Variants in ARHGEF10 observed in about 807,000 individuals in gnomAD.
ARHGEF10 encodes Rho guanine nucleotide exchange factor (GEF) 10.
Under a neutral mutation model 147.4 loss-of-function variants are expected in ARHGEF10, and 140 were observed. That is an observed-to-expected ratio of 0.95 (90% CI 0.83 to 1.09). ARHGEF10 has a LOEUF of 1.09. ARHGEF10 is among the 50% of genes least tolerant of loss of function. The pLI is 0.00. For missense variants in ARHGEF10, 2,222 were observed against 1,752.7 expected (o/e 1.27, Z -4.78); for synonymous variants, 902 against 695.8 (o/e 1.30, Z -4.67).
intron 3 of ARHGEF10, among the ~76,000 whole-genome samples, chr8:1,859,420 T>C (rs1462308075): frequency 6.7e-6 from 1 of 148,214 alleles, no homozygotes; most frequent in Non-Finnish European, 1.5e-5. Flanking sequence ...GGTGTTTCTT[T>C]GTGCGCAGCA....
intron 1 of ARHGEF10, among the ~76,000 whole-genome samples, chr8:1,834,697 A>C (rs1410941804): frequency 6.6e-6 from 1 of 152,190 alleles, no homozygotes; most frequent in Non-Finnish European, 1.5e-5. Context: ...TGTTTGGTTG[A>C]GTTAACCATG....
At chr8:1,848,360 C>G (rs185427261) in intron 2 of ARHGEF10, among the ~76,000 whole-genome samples, 1 of 152,120 alleles carries the variant, frequency 6.6e-6, no homozygotes, top group Admixed American at 6.5e-5. Flanking sequence ...GGTCTCGTGG[C>G]CAGCAAGCAA....
chr8:1,936,112 C>T (rs961472813), intron 26 of ARHGEF10, among the ~76,000 whole-genome samples: 4 of 142,204 alleles, frequency 2.8e-5, no homozygotes, highest in Admixed American at 7.0e-5. Flanking sequence ...GTTGCGCTGT[C>T]TTGTTTTTTA....
chr8:1,920,489 A>T (rs1563287250), intron 18 of ARHGEF10, among the ~76,000 whole-genome samples: 1 of 97,904 alleles, frequency 1.0e-5, no homozygotes, highest in East Asian at 3.6e-4. Context: ...TGCCTGGCTA[A>T]TTTTTTTTTT....
At chr8:1,909,500 C>T (rs199730810) in intron 18 of ARHGEF10, 30 bp downstream of exon 18, 31 of 1,612,370 alleles carry the variant, frequency 1.9e-5, no homozygotes, top group African/African-American at 6.7e-5. Context: ...ACGTTCGTGC[C>T]GTGGGGCCAG....
chr8:1,957,934 T>TTATC lies in ARHGEF10; in HGVS notation c.*673_*676dup, dbSNP rs1439151704. 3.3e-5 allele frequency: 5 copies of TTATC among 152,346 alleles called. No homozygotes were observed. The highest frequency in any genetic ancestry group is 7.3e-5 in the Non-Finnish European group (5 of 68,128). 9.4% of individuals were successfully genotyped at this position (152,346 alleles called of 1,614,324 possible). On this transcript the variant is annotated 3_prime_UTR_variant, in exon 29 of 29. Transcript: ENST00000349830. ...AACAGTTAATGTTTCAGTCAATGTA[T>TTATC]TATCTGTAGCATTTCACAAATAATG...
intron 16 of ARHGEF10, 140 bp from the exon 17 acceptor site, chr8:1,905,431 C>G (rs1223668186): frequency 1.9e-6 from 2 of 1,062,538 alleles, no homozygotes; most frequent in Non-Finnish European, 2.9e-6. Context: ...TCAGCGCAGT[C>G]ACGGGGAACA....
rs180759737 is a variant in ARHGEF10 at position 1,906,720 on chromosome 8, A to C, written c.1967+1004A>C. Reference sequence around the variant, plus strand: ...GCCTCGGACTCCTCATCCGTGCAATAGGGTTGATCATAAAAATAATGCCAG... The same window carrying C: ...GCCTCGGACTCCTCATCCGTGCAATCGGGTTGATCATAAAAATAATGCCAG... On this transcript the variant is annotated intron_variant, in intron 17 of 28. Transcript: ENST00000349830. Among the ~76,000 whole-genome samples the C allele has an allele frequency of 1.8e-3, 267 of 152,280 alleles. 1 individual carries two copies. Among genetic ancestry groups the C allele is most frequent in the African/African-American group, 6.3e-3 (261 of 41,558 alleles).
chr8:1,925,507 C>T (rs2129217506), intron 22 of ARHGEF10, 103 bp downstream of exon 22: 2 of 1,488,356 alleles, frequency 1.3e-6, no homozygotes, highest in Non-Finnish European at 1.8e-6. Context: ...GAACATGGTC[C>T]TCCCAGGTTC....
At position 1,888,732 on chromosome 8, in the gene ARHGEF10, G is replaced by T. The variant is rs879637081; in HGVS notation, c.1182+3025G>T. ...GTGAGGAGACACTGAATAGGGTGAG[G>T]TTTGTGAGGAGACACTGAATAGGGT... On this transcript the variant is annotated intron_variant, in intron 11 of 28. Transcript: ENST00000349830. Among the ~76,000 whole-genome samples, 158 of 29,340 alleles carry T rather than the reference G, an allele frequency of 5.4e-3. 15 individuals carry two copies. Among genetic ancestry groups the T allele is most frequent in the Admixed American group, 8.8e-3 (22 of 2,510 alleles). 19.2% of individuals were successfully genotyped at this position (29,340 alleles called of 152,430 possible). A position where few individuals can be genotyped will look rare whatever the true frequency, so the allele number is the denominator to read the frequency against.
chr8:1,850,110 CTG>C lies in ARHGEF10; in HGVS notation c.37+6675_37+6676del, dbSNP rs1563174169. 1.7e-3 allele frequency among the ~76,000 whole-genome samples: 220 copies of C among 130,692 alleles called. 10 individuals carry two copies. Among genetic ancestry groups the C allele is most frequent in the East Asian group, 4.4e-3 (19 of 4,364 alleles). The allele number at this position is 130,692 out of a possible 152,430, so 85.7% of individuals were successfully genotyped here. Reference sequence around the variant, plus strand: ...AAATGCTGAGGAGGGCGTGGGCCGGCTGCATGGACACAGAGGGCAAATGCTGA... The same window carrying C: ...AAATGCTGAGGAGGGCGTGGGCCGGCCATGGACACAGAGGGCAAATGCTGA... On this transcript the variant is annotated intron_variant, in intron 2 of 28. Transcript: ENST00000349830.
At chr8:1,902,396 G>A (rs531834275) in intron 15 of ARHGEF10, among the ~76,000 whole-genome samples, 131 of 152,276 alleles carry the variant, frequency 8.6e-4, no homozygotes, top group African/African-American at 2.9e-3. Context: ...GCAGCAGTGC[G>A]TCATTTTTTG....
At chr8:1,853,733 G>C (rs1211575952) in intron 2 of ARHGEF10, among the ~76,000 whole-genome samples, 1 of 152,214 alleles carries the variant, frequency 6.6e-6, no homozygotes, top group Non-Finnish European at 1.5e-5. Context: ...CCCAGGTCAG[G>C]GTGCTGGCAG....
chr8:1,922,390 G>A (rs1037267524), intron 18 of ARHGEF10, among the ~76,000 whole-genome samples: 1 of 152,184 alleles, frequency 6.6e-6, no homozygotes, highest in East Asian at 1.9e-4. Context: ...ACTAATAGCT[G>A]TTATGTCAAC....
intron 28 of ARHGEF10, among the ~76,000 whole-genome samples, chr8:1,956,064 G>A (rs912070300): frequency 1.3e-5 from 2 of 152,330 alleles, no homozygotes; most frequent in Admixed American, 1.3e-4. Flanking sequence ...GAAAGGACAC[G>A]TGCCCCTGTC....
chr8:1,871,040 G>C (rs1343740188), intron 7 of ARHGEF10: 2 of 148,314 alleles, frequency 1.3e-5, no homozygotes, highest in African/African-American at 5.0e-5. Flanking sequence ...TTGAACCCAG[G>C]AAGCGGAGGC....
At chr8:1,858,242 C>T (rs547819707) in intron 3 of ARHGEF10, 127 bp downstream of exon 3, 14 of 852,396 alleles carry the variant, frequency 1.6e-5, no homozygotes, top group Non-Finnish European at 2.5e-5. Flanking sequence ...CCAGGTGGGT[C>T]CCCAGGTGAG....
intron 10 of ARHGEF10, 73 bp from the exon 11 acceptor site, chr8:1,885,528 T>G: frequency 9.1e-7 from 1 of 1,095,436 alleles, no homozygotes; most frequent in Non-Finnish European, 1.4e-6. Flanking sequence ...ATTTGACTTT[T>G]TTTTACTGTA....
At chr8:1,913,091 C>G (rs1388923423) in intron 18 of ARHGEF10, among the ~76,000 whole-genome samples, 1 of 152,010 alleles carries the variant, frequency 6.6e-6, no homozygotes, top group Non-Finnish European at 1.5e-5. Flanking sequence ...GATGGACTGT[C>G]AAGCGCTCCT....
Sources: allele counts gnomAD v4.1 joint callset (sites outside exome capture counted in the v4.1 genomes callset), GRCh38; gene constraint gnomAD v4.1.1; transcripts MANE v1.5; gene names NCBI Gene and HGNC (gene_info 2026-07-23, HGNC 2026-07-21).